CYP2C19: variants seen among roughly 807,000 people sequenced by gnomAD.
The protein encoded by CYP2C19 is cytochrome P450 2C19.
A neutral mutation model predicts 40.9 loss-of-function variants in CYP2C19; 59 were observed. That is an observed-to-expected ratio of 1.44 (90% CI 1.17 to 1.79). The LOEUF is 1.79. Among genes scored for constraint, CYP2C19 ranks in the 40% most tolerant of loss-of-function variants. The pLI is 0.00. For synonymous variants in CYP2C19, 253 were observed against 208.7 expected (o/e 1.21, Z -1.83); for missense variants, 754 against 596.9 (o/e 1.26, Z -2.74).
chr10:94,829,759 T>A (rs1024223162), intron 6 of CYP2C19, among the ~76,000 whole-genome samples: 2 of 151,698 alleles, frequency 1.3e-5, no homozygotes, highest in Admixed American at 1.3e-4. Flanking sequence ...AGTTTTTCTG[T>A]TCTGTTTTTT....
intron 5 of CYP2C19, among the ~76,000 whole-genome samples, chr10:94,785,411 T>TG (rs1400785042): frequency 5.3e-5 from 8 of 152,156 alleles, no homozygotes; most frequent in African/African-American, 1.9e-4. Flanking sequence ...CACCATTTGT[T>TG]GAAGAGATTC....
intron 1 of CYP2C19, among the ~76,000 whole-genome samples, chr10:94,771,969 G>A (rs943246158): frequency 2.6e-5 from 4 of 152,132 alleles, no homozygotes; most frequent in African/African-American, 9.7e-5. Context: ...AGACCACAAA[G>A]AGGACTGAGA....
intron 6 of CYP2C19, among the ~76,000 whole-genome samples, chr10:94,830,237 G>A (rs1243830231): frequency 6.6e-6 from 1 of 152,252 alleles, no homozygotes; most frequent in Non-Finnish European, 1.5e-5. Flanking sequence ...GGCAATGGCG[G>A]GCGCCCCTCC....
At chr10:94,847,234 C>G (rs1319842512) in intron 7 of CYP2C19, among the ~76,000 whole-genome samples, 1 of 152,090 alleles carries the variant, frequency 6.6e-6, no homozygotes, top group Non-Finnish European at 1.5e-5. Flanking sequence ...TCCCTCCCTC[C>G]ACCCCAAAAC....
intron 4 of CYP2C19, among the ~76,000 whole-genome samples, chr10:94,781,579 C>A (rs1383681400): frequency 1.3e-5 from 2 of 152,048 alleles, no homozygotes; most frequent in Admixed American, 1.3e-4. Flanking sequence ...TGCTTTTATA[C>A]TATCAAAAGC....
rs1345560524 is a variant in CYP2C19, at chr10:94,838,935, C to T, written c.962-3902C>T. ...GGCGGTACTGCAGAAAAATATAAGT[C>T]ATTTCTTTCTTTGACCCTTTCTTAG... On this transcript the variant is annotated intron_variant, in intron 6 of 8. Transcript: ENST00000371321. 2.0e-5 allele frequency among the ~76,000 whole-genome samples: 3 copies of T among 152,090 alleles called. No homozygotes were observed. In the East Asian group the frequency reaches 5.8e-4, roughly 29 times the overall value.
Position 94,833,536 on chromosome 10 carries a change from G to A in CYP2C19, c.962-9301G>A, listed in dbSNP as rs145626170. ...ACATATGTATACATGTGCCATGCTG[G>A]TGCGCTGCACCCAAATGTCCAACGA... On this transcript the variant is annotated intron_variant, in intron 6 of 8. Transcript: ENST00000371321. Among the ~76,000 whole-genome samples the A allele has an allele frequency of 7.2e-5, 11 of 152,086 alleles. No individual in the cohort carries two copies. In the East Asian group the frequency reaches 2.1e-3, roughly 29 times the overall value.
intron 4 of CYP2C19, among the ~76,000 whole-genome samples, chr10:94,780,954 G>A (rs981086055): frequency 8.5e-5 from 13 of 152,082 alleles, no homozygotes; most frequent in Non-Finnish European, 1.9e-4. Context: ...CCCAAAGCGT[G>A]CTTATATCAC....
At chr10:94,806,083 A>G (rs1848831772) in intron 5 of CYP2C19, among the ~76,000 whole-genome samples, 2 of 147,696 alleles carry the variant, frequency 1.4e-5, no homozygotes, top group Admixed American at 1.4e-4. Context: ...CGTGGCAACC[A>G]ACATTCTACT....
chr10:94,844,454 C>CA (rs75164347), intron 7 of CYP2C19, among the ~76,000 whole-genome samples: 42,179 of 152,058 alleles, frequency 0.28, 7,329 homozygotes, highest in Admixed American at 0.43. Flanking sequence ...TTTGTCTTGG[C>CA]AGCTTTACAA....
intron 5 of CYP2C19, among the ~76,000 whole-genome samples, chr10:94,818,802 G>A (rs1317250661): frequency 6.6e-6 from 1 of 150,710 alleles, no homozygotes; most frequent in East Asian, 1.9e-4. Context: ...TGAGACGATG[G>A]GGTTTTCTAG....
intron 5 of CYP2C19, among the ~76,000 whole-genome samples, chr10:94,818,930 A>T (rs1443428966): frequency 6.6e-6 from 1 of 152,102 alleles, no homozygotes; most frequent in Non-Finnish European, 1.5e-5. Context: ...AATCAACAGA[A>T]TATACATTTT....
In CYP2C19 at chr10:94,812,559, G is replaced by T. The variant is rs148584045; in HGVS notation, c.820-7937G>T. 4.7e-3 allele frequency among the ~76,000 whole-genome samples: 711 copies of T among 152,182 alleles called. 3 individuals carry two copies. The highest frequency in any genetic ancestry group is 0.017 in the African/African-American group (688 of 41,516). ...TTCACATAGCACCACATTTCTTGGAGGCTATGTTCATTTCTTTTTATTCTT... is the reference window on the plus strand; with the variant it reads ...TTCACATAGCACCACATTTCTTGGATGCTATGTTCATTTCTTTTTATTCTT... On this transcript the variant is annotated intron_variant, in intron 5 of 8. Transcript: ENST00000371321.
rs878990476 is a variant in CYP2C19 at position 94,775,306 on chromosome 10, T to C, written c.332-84T>C. The stretch of plus-strand genomic sequence containing the variant: ...CTAGCAGAGCTTCTCGGGCAGAGCT[T>C]GGCCCATCCACATGGCTGCCCAGTG... On this transcript the variant is annotated intron_variant, in intron 2 of 8. Coordinates refer to ENST00000371321, the MANE Select transcript of CYP2C19 (RefSeq NM_000769.4). 2.2e-5 allele frequency: 35 copies of C among 1,612,338 alleles called. No individual in the cohort carries two copies. In the South Asian group the frequency reaches 3.3e-4, roughly 15 times the overall value.
chr10:94,819,099 T>C (rs1266495970), intron 5 of CYP2C19, among the ~76,000 whole-genome samples: 3 of 150,700 alleles, frequency 2.0e-5, no homozygotes, highest in Non-Finnish European at 3.0e-5. Context: ...TCAAAACTGC[T>C]CAACTACATG....
intron 6 of CYP2C19, among the ~76,000 whole-genome samples, chr10:94,821,717 C>A (rs1849124888): frequency 6.6e-6 from 1 of 152,092 alleles, no homozygotes; most frequent in South Asian, 2.1e-4. Context: ...CATTTAATGA[C>A]AATAACCTAA....
chr10:94,842,748 C>A, intron 6 of CYP2C19, 89 bp from the exon 7 acceptor site: 2 of 1,379,066 alleles, frequency 1.5e-6, no homozygotes, highest in Non-Finnish European at 2.1e-6. Flanking sequence ...TGTTTGGATA[C>A]CTTCATCATG....
chr10:94,844,820 C>T (rs1335794799), intron 7 of CYP2C19, among the ~76,000 whole-genome samples: 1 of 152,170 alleles, frequency 6.6e-6, no homozygotes, highest in Non-Finnish European at 1.5e-5. Context: ...AGTAATGAAA[C>T]TTATTTCTTC....
At chr10:94,829,263 CA>C (rs1849287457) in intron 6 of CYP2C19, among the ~76,000 whole-genome samples, 1 of 152,148 alleles carries the variant, frequency 6.6e-6, no homozygotes, top group Admixed American at 6.5e-5. Context: ...GAGTGTTTTC[CA>C]ACTTGTTTCC....
Sources: allele counts gnomAD v4.1 joint callset (sites outside exome capture counted in the v4.1 genomes callset), GRCh38; gene constraint gnomAD v4.1.1; transcripts MANE v1.5; gene names NCBI Gene and HGNC (gene_info 2026-07-23, HGNC 2026-07-21).